Variants in BRCA2 observed in about 807,000 individuals in gnomAD.
BRCA2 encodes breast cancer type 2 susceptibility protein.
A neutral mutation model predicts 276.7 loss-of-function variants in BRCA2; 203 were observed. The ratio of observed to expected loss-of-function variants is 0.73; its 90% CI spans 0.65 to 0.82. The LOEUF is 0.82. BRCA2 is among the 40% of genes least tolerant of loss of function. The probability of loss-of-function intolerance (pLI) is 0.00; values close to 1 mark genes in which losing one functional copy is unlikely to be tolerated. For missense variants in BRCA2, 3,920 were observed against 3,915.0 expected (o/e 1.00, Z -0.03); for synonymous variants, 1,289 against 1,338.4 (o/e 0.96, Z 0.81).
rs573984278 is a variant in BRCA2, at chr13:32,387,592, C to T, written c.9257-7097C>T. ...GCTTCTTGTGGAAGCCTGGATATTA[C>T]GCAGGCCTGCCCGCAGTCATCCGGA... On this transcript the variant is annotated intron_variant, in intron 24 of 26. Transcript: ENST00000380152. Among the ~76,000 whole-genome samples, 16 of 152,306 alleles carry T rather than the reference C, an allele frequency of 1.1e-4. No homozygotes were observed. The East Asian group carries it at 2.1e-3, about 20-fold the overall frequency.
At position 32,326,621 on chromosome 13, in the gene BRCA2, T is replaced by C. The variant is rs1555281111; in HGVS notation, c.631+8T>C. ...GTTCTACTGTGCTCATAGGTAATAA[T>C]AGCAAATGTGTATTTACAAGAAAGA... On this transcript the variant is annotated splice_region_variant and intron_variant, in intron 7 of 26. Coordinates refer to ENST00000380152, the MANE Select transcript of BRCA2 (RefSeq NM_000059.4). The C allele has an allele frequency of 6.4e-7, 1 of 1,561,228 alleles. No individual in the cohort carries two copies. The highest frequency in any genetic ancestry group is 8.8e-7 in the Non-Finnish European group (1 of 1,133,222).
intron 18 of BRCA2, among the ~76,000 whole-genome samples, chr13:32,369,252 C>T (rs1044869500): frequency 1.3e-5 from 2 of 151,812 alleles, no homozygotes; most frequent in Non-Finnish European, 2.9e-5. Flanking sequence ...AGAATAGGGT[C>T]CTGGGTTCTT....
Position 32,333,282 on chromosome 13 carries a change from G to T in BRCA2, c.1804G>T (p.Gly602Ter), listed in dbSNP as rs80358466. The T allele has an allele frequency of 6.2e-7, 1 of 1,602,706 alleles. No individual in the cohort carries two copies. The highest frequency in any genetic ancestry group is 8.5e-7 in the Non-Finnish European group (1 of 1,176,614). Residue 602 changes from glycine (G) to a stop codon, truncating the protein, a stop_gained, in exon 10 of 27, where the codon GGA (glycine) becomes TGA (stop). Transcript: ENST00000380152. LOFTEE classifies it high-confidence loss of function. ...YAIHDETSYK[G>*]KKIPKDQKSE... ...TATACATGATGAAACATCTTATAAA[G>T]GAAAAAAAATACCGAAAGACCAAAA...
intron 18 of BRCA2, among the ~76,000 whole-genome samples, chr13:32,365,541 C>G (rs2137586762): frequency 6.6e-6 from 1 of 151,970 alleles, no homozygotes; most frequent in South Asian, 2.1e-4. Context: ...CCACCACACC[C>G]AGCCAAATTT....
rs80359072 is a variant in BRCA2 at position 32,363,456 on chromosome 13, A to T, written c.8254A>T (p.Ile2752Phe). 1.2e-6 allele frequency: 2 copies of T among 1,614,180 alleles called. No individual in the cohort carries two copies. Among genetic ancestry groups the T allele is most frequent in the Non-Finnish European group, 1.7e-6 (2 of 1,180,030 alleles). Residue 2752 changes from isoleucine to phenylalanine, a missense_variant, in exon 18 of 27, where the codon ATT (isoleucine) becomes TTT (phenylalanine). Physicochemically the swap from Ile to Phe is conservative, Grantham distance 21. This residue lies in a region of BRCA2 where 3,263 missense variants were observed against 3,156.9 expected (regional missense o/e 1.03). Coordinates refer to ENST00000380152, the MANE Select transcript of BRCA2 (RefSeq NM_000059.4). ...NGRLTVGQKI[I>F]LHGAELVGSP... ...CAGACTGACAGTTGGTCAGAAGATT[A>T]TTCTTCATGGAGCAGAACTGGTGGG...
chr13:32,316,242 G>A (rs1593880367), intron 1 of BRCA2, among the ~76,000 whole-genome samples, 180 bp from the exon 2 acceptor site: 1 of 152,118 alleles, frequency 6.6e-6, no homozygotes, highest in Admixed American at 6.5e-5. Context: ...GTGGCTAGTG[G>A]CACCGGTTTG....
intron 18 of BRCA2, among the ~76,000 whole-genome samples, chr13:32,364,784 T>C (rs1054168075): frequency 3.3e-5 from 5 of 152,166 alleles, no homozygotes; most frequent in Non-Finnish European, 7.4e-5. Flanking sequence ...GGAGAACCCC[T>C]GGACCTCTTC....
chr13:32,363,571 G>A lies in BRCA2; in HGVS notation c.8331+38G>A, dbSNP rs753751625. The A allele has an allele frequency of 5.8e-6, 9 of 1,556,392 alleles. 1 individual carries two copies. Among genetic ancestry groups the A allele is most frequent in the South Asian group, 5.7e-5 (5 of 88,454 alleles). On this transcript the variant is annotated intron_variant, in intron 18 of 26. Transcript: ENST00000380152. ...GCACTCTTGGTAAAAATCAGTCATTGATTCAGTTAAATTCTAGAAGTTTTA... is the reference window on the plus strand; with the variant it reads ...GCACTCTTGGTAAAAATCAGTCATTAATTCAGTTAAATTCTAGAAGTTTTA...
At chr13:32,379,671 G>T (rs2137621361) in intron 22 of BRCA2, 79 bp from the exon 23 acceptor site, 1 of 1,541,756 alleles carries the variant, frequency 6.5e-7, no homozygotes, top group Non-Finnish European at 8.9e-7. Flanking sequence ...TATAAAAGAG[G>T]ATCTGTATTT....
intron 10 of BRCA2, among the ~76,000 whole-genome samples, chr13:32,334,027 G>A (rs1400683060): frequency 6.6e-6 from 1 of 152,146 alleles, no homozygotes; most frequent in African/African-American, 2.4e-5. Context: ...TCATTGATGG[G>A]CATTTGGGTT....
intron 13 of BRCA2, among the ~76,000 whole-genome samples, chr13:32,351,928 A>G (rs2072654915): frequency 6.6e-6 from 1 of 152,020 alleles, no homozygotes; most frequent in Non-Finnish European, 1.5e-5. Context: ...CAGCCTCCCA[A>G]GTAGCCGGGA....
intron 4 of BRCA2, 124 bp downstream of exon 4, chr13:32,325,308 AT>A: frequency 1.5e-6 from 1 of 683,746 alleles, no homozygotes; most frequent in Non-Finnish European, 2.5e-6. Flanking sequence ...AAGATCTTAC[AT>A]TTTTAAATAA....
intron 8 of BRCA2, among the ~76,000 whole-genome samples, chr13:32,330,700 A>G (rs2072382935): frequency 6.6e-6 from 1 of 152,168 alleles, no homozygotes; most frequent in Non-Finnish European, 1.5e-5. Flanking sequence ...AGATTTCCAC[A>G]TCCTAGTGGT....
chr13:32,335,255 G>T lies in BRCA2; in HGVS notation c.1910-1010G>T, dbSNP rs889807739. On this transcript the variant is annotated intron_variant, in intron 10 of 26. Coordinates refer to ENST00000380152, the MANE Select transcript of BRCA2 (RefSeq NM_000059.4). ...AGCTACTCGGGACGCTAAGGCAGGA[G>T]AATCACTTGAACCTGGGAGATGGAG... Among the ~76,000 whole-genome samples the T allele has an allele frequency of 4.0e-5, 6 of 148,800 alleles. No homozygotes were observed. In the East Asian group the frequency reaches 1.0e-3, roughly 25 times the overall value.
intron 12 of BRCA2, among the ~76,000 whole-genome samples, chr13:32,345,065 C>T (rs2072602056): frequency 6.6e-6 from 1 of 152,060 alleles, no homozygotes; most frequent in South Asian, 2.1e-4. Context: ...GAGCCAGATA[C>T]AAGCTTCCCA....
At chr13:32,353,509 C>T (rs544338360) in intron 13 of BRCA2, among the ~76,000 whole-genome samples, 2 of 152,308 alleles carry the variant, frequency 1.3e-5, no homozygotes, top group South Asian at 2.1e-4. Context: ...CATGATCTGG[C>T]TGCTTTGCTA....
intron 18 of BRCA2, 32 bp from the exon 19 acceptor site, chr13:32,370,370 T>G: frequency 6.3e-7 from 1 of 1,588,274 alleles, no homozygotes; most frequent in Non-Finnish European, 8.6e-7. Context: ...CATATTTAAC[T>G]ACTAAATCAA....
At chr13:32,345,582 A>G (rs1302104359) in intron 12 of BRCA2, among the ~76,000 whole-genome samples, 3 of 152,056 alleles carry the variant, frequency 2.0e-5, no homozygotes, top group African/African-American at 7.2e-5. Flanking sequence ...CTTAGAGTAT[A>G]TAGGTTGAGT....
Position 32,332,823 on chromosome 13 carries a change from A to G in BRCA2, c.1345A>G (p.Ile449Val), listed in dbSNP as rs2137470475. The G allele has an allele frequency of 6.2e-7, 1 of 1,611,710 alleles. No individual in the cohort carries two copies. Among genetic ancestry groups the G allele is most frequent in the South Asian group, 1.1e-5 (1 of 90,276 alleles). Residue 449 changes from isoleucine (I) to valine (V), a missense_variant, in exon 10 of 27, where the codon ATT becomes GTT. Physicochemically the swap from Ile to Val is conservative, Grantham distance 29. Around this residue, in one of 2 missense-constraint regions of BRCA2, gnomAD observed 3,263 missense variants for 3,156.9 expected, o/e 1.03. Transcript: ENST00000380152. ...TACTTCAGAGAATTCTTTGCCACGTATTTCTAGCCTACCAAAATCAGAGAA... is the reference window on the plus strand; with the variant it reads ...TACTTCAGAGAATTCTTTGCCACGTGTTTCTAGCCTACCAAAATCAGAGAA... ...FLTSENSLPR[I>V]SSLPKSEKPL...
Sources: allele counts gnomAD v4.1 joint callset (sites outside exome capture counted in the v4.1 genomes callset), GRCh38; gene constraint gnomAD v4.1.1; regional missense constraint gnomAD v4.1.1; transcripts MANE v1.5; gene names NCBI Gene and HGNC (gene_info 2026-07-23, HGNC 2026-07-21).